The following XRCC2 variants were observed in gnomAD, a reference collection of about 807,000 sequenced individuals.
XRCC2 encodes X-ray repair cross complementing 2, also known as DNA repair protein XRCC2.
Under a neutral mutation model 27.3 loss-of-function variants are expected in XRCC2, and 24 were observed. The observed-to-expected ratio is 0.88, with a 90% CI of 0.64 to 1.24. XRCC2 has a LOEUF of 1.24. Ranked by LOEUF, XRCC2 falls within the 50% of genes most tolerant of loss-of-function variation. The probability of loss-of-function intolerance (pLI) is 0.00; values close to 1 mark genes in which losing one functional copy is unlikely to be tolerated. For synonymous variants in XRCC2, 106 were observed against 115.4 expected (o/e 0.92, Z 0.52); for missense variants, 321 against 325.8 (o/e 0.99, Z 0.11).
chr7:152,676,111 A>G lies in XRCC2; in HGVS notation c.-32T>C, dbSNP rs757381784. 1.9e-6 allele frequency: 3 copies of G among 1,613,374 alleles called. No individual in the cohort carries two copies. Among genetic ancestry groups the G allele is most frequent in the African/African-American group, 1.3e-5 (1 of 74,914 alleles). ...GAAGGCTCGGCGCAGGAGAGACTCAACTTTCCCGCCACCAACGCCATTCAC... is the reference window on the plus strand; with the variant it reads ...GAAGGCTCGGCGCAGGAGAGACTCAGCTTTCCCGCCACCAACGCCATTCAC... On this transcript the variant is annotated 5_prime_UTR_variant, in exon 1 of 3. Transcript: ENST00000359321.
At chr7:152,675,884 G>A (rs1270426505) in intron 1 of XRCC2, among the ~76,000 whole-genome samples, 157 bp downstream of exon 1, 1 of 152,166 alleles carries the variant, frequency 6.6e-6, no homozygotes, top group Non-Finnish European at 1.5e-5. Context: ...AGGTGGCAGA[G>A]GGTGCCAGCA....
rs549929677 is a variant in XRCC2, at chr7:152,646,040, T to C, written c.*2602A>G. On this transcript the variant is annotated 3_prime_UTR_variant, in exon 3 of 3. Coordinates refer to ENST00000359321, the MANE Select transcript of XRCC2 (RefSeq NM_005431.2). ...ATGGAGTTAAATACACCATCTCCTC[T>C]GTGCTTTGGATCTGTCCTGCTGTAT... 2.0e-5 allele frequency: 3 copies of C among 152,362 alleles called. No homozygotes were observed. Among genetic ancestry groups the C allele is most frequent in the African/African-American group, 7.2e-5 (3 of 41,582 alleles). The allele number at this position is 152,362 out of a possible 1,614,324, so 9.4% of individuals were successfully genotyped here. A position where few individuals can be genotyped will look rare whatever the true frequency, so the allele number is the denominator to read the frequency against.
intron 2 of XRCC2, among the ~76,000 whole-genome samples, chr7:152,660,061 CAT>C (rs2098032419): frequency 6.6e-6 from 1 of 152,166 alleles, no homozygotes; most frequent in Non-Finnish European, 1.5e-5. Flanking sequence ...TCACATATTA[CAT>C]GATTCCAATT....
At chr7:152,666,263 G>T (rs2098035603) in intron 1 of XRCC2, among the ~76,000 whole-genome samples, 1 of 152,018 alleles carries the variant, frequency 6.6e-6, no homozygotes, top group African/African-American at 2.4e-5. Flanking sequence ...AGGCTGGAGT[G>T]TGCAGTGATG....
At chr7:152,675,805 C>T (rs963291497) in intron 1 of XRCC2, among the ~76,000 whole-genome samples, 4 of 152,154 alleles carry the variant, frequency 2.6e-5, no homozygotes, top group Admixed American at 6.5e-5. Flanking sequence ...CTTCCTCCAC[C>T]TCCGCCCGGT....
intron 2 of XRCC2, among the ~76,000 whole-genome samples, chr7:152,650,303 TGG>T (rs1158924286): frequency 1.3e-5 from 2 of 152,358 alleles, no homozygotes; most frequent in East Asian, 3.9e-4. Context: ...GAATTATCTC[TGG>T]AAACCATGTC....
intron 1 of XRCC2, among the ~76,000 whole-genome samples, chr7:152,662,635 G>T (rs1450893520): frequency 1.4e-5 from 2 of 142,854 alleles, no homozygotes; most frequent in African/African-American, 5.2e-5. Context: ...TGCAGTGGCG[G>T]GATCTCGGCT....
chr7:152,646,064 AT>A lies in XRCC2; in HGVS notation c.*2577del, dbSNP rs2098025713. ...CTGTGCTTTGGATCTGTCCTGCTGT[AT>A]TCGGTTCTTTTAAATTTAAAAATCA... On this transcript the variant is annotated 3_prime_UTR_variant, in exon 3 of 3. Coordinates refer to ENST00000359321, the MANE Select transcript of XRCC2 (RefSeq NM_005431.2). The A allele has an allele frequency of 6.6e-6, 1 of 152,150 alleles. No individual in the cohort carries two copies. Among genetic ancestry groups the A allele is most frequent in the South Asian group, 2.1e-4 (1 of 4,826 alleles). 9.4% of individuals were successfully genotyped at this position (152,150 alleles called of 1,614,324 possible).
intron 1 of XRCC2, among the ~76,000 whole-genome samples, chr7:152,662,803 G>C (rs2117001763): frequency 6.6e-6 from 1 of 151,344 alleles, no homozygotes; most frequent in Non-Finnish European, 1.5e-5. Context: ...TCGATCTCCT[G>C]ACCTCGTGAT....
At chr7:152,675,541 T>C (rs2098040544) in intron 1 of XRCC2, among the ~76,000 whole-genome samples, 1 of 151,718 alleles carries the variant, frequency 6.6e-6, no homozygotes, top group Non-Finnish European at 1.5e-5. Context: ...TACTAGGGGG[T>C]GGCGAGGGCC....
Position 152,648,445 on chromosome 7 carries a change from G to A in XRCC2, c.*197C>T, listed in dbSNP as rs939504663. ...AAAAAAAAAGAAAACTTTTGGCCACGAGCAGTGGCTCACGCCTGTAATCCC... is the reference window on the plus strand; with the variant it reads ...AAAAAAAAAGAAAACTTTTGGCCACAAGCAGTGGCTCACGCCTGTAATCCC... On this transcript the variant is annotated 3_prime_UTR_variant, in exon 3 of 3. Transcript: ENST00000359321. 2.4e-5 allele frequency: 10 copies of A among 410,216 alleles called. 1 individual carries two copies. Among genetic ancestry groups the A allele is most frequent in the South Asian group, 1.8e-4 (2 of 10,904 alleles). The allele number at this position is 410,216 out of a possible 1,614,324, so 25.4% of individuals were successfully genotyped here. A position where few individuals can be genotyped will look rare whatever the true frequency, so the allele number is the denominator to read the frequency against.
At position 152,645,074 on chromosome 7, in the gene XRCC2, G is replaced by A. The variant is rs774463917; in HGVS notation, c.*3568C>T. ...CTTCAGCCTCCAAGAGTGTGTTTAC[G>A]TAAAATTAAATGAGCGCTGGCAGTG... On this transcript the variant is annotated 3_prime_UTR_variant, in exon 3 of 3. Coordinates refer to ENST00000359321, the MANE Select transcript of XRCC2 (RefSeq NM_005431.2). 5.9e-5 allele frequency: 9 copies of A among 152,024 alleles called. No individual in the cohort carries two copies. The highest frequency in any genetic ancestry group is 1.2e-4 in the Non-Finnish European group (8 of 68,002). The allele number at this position is 152,024 out of a possible 1,614,324, so 9.4% of individuals were successfully genotyped here.
At chr7:152,667,204 T>C (rs970987793) in intron 1 of XRCC2, among the ~76,000 whole-genome samples, 2 of 151,364 alleles carry the variant, frequency 1.3e-5, no homozygotes, top group African/African-American at 4.9e-5. Flanking sequence ...GATTGGGAGT[T>C]CGAGACCAGC....
chr7:152,666,792 A>G (rs945431541), intron 1 of XRCC2, among the ~76,000 whole-genome samples: 25 of 151,094 alleles, frequency 1.7e-4, no homozygotes, highest in African/African-American at 6.1e-4. Flanking sequence ...TAATTTTTGT[A>G]TTTTTAGTAG....
At position 152,663,346 on chromosome 7, in the gene XRCC2, T is replaced by TAAAA. The variant is rs530664762; in HGVS notation, c.40-2568_40-2565dup. On this transcript the variant is annotated intron_variant, in intron 1 of 2. Coordinates refer to ENST00000359321, the MANE Select transcript of XRCC2 (RefSeq NM_005431.2). ...GCTTTACGTAAGAATGTCTTTGAAG[T>TAAAA]AAAAAAAAAAAAAAAAAAAAAAAAA... Among the ~76,000 whole-genome samples the TAAAA allele has an allele frequency of 2.2e-3, 181 of 80,880 alleles. 23 individuals carry two copies. The highest frequency in any genetic ancestry group is 3.7e-3 in the African/African-American group (82 of 22,366). 53.1% of individuals were successfully genotyped at this position (80,880 alleles called of 152,430 possible).
At chr7:152,673,097 C>G (rs1295760426) in intron 1 of XRCC2, among the ~76,000 whole-genome samples, 1 of 152,128 alleles carries the variant, frequency 6.6e-6, no homozygotes, top group Non-Finnish European at 1.5e-5. Context: ...TAGTCAAATG[C>G]TTGTCTTTTT....
chr7:152,660,601 G>A (rs1291791844), intron 2 of XRCC2, 100 bp downstream of exon 2: 2 of 981,952 alleles, frequency 2.0e-6, no homozygotes, highest in East Asian at 2.5e-5. Flanking sequence ...AGTTTAACCT[G>A]TATAAACTCT....
rs2098032654 is a variant in XRCC2 at position 152,660,602 on chromosome 7, T to C, written c.121+99A>G. ...TTTTCCAATTGTACAGTTTAACCTG[T>C]ATAAACTCTTGTGAGGAGTATGTGT... On this transcript the variant is annotated intron_variant, in intron 2 of 2. Transcript: ENST00000359321. 4 of 984,214 alleles carry C rather than the reference T, an allele frequency of 4.1e-6. No individual in the cohort carries two copies. In the South Asian group the frequency reaches 6.7e-5, roughly 17 times the overall value. The allele number at this position is 984,214 out of a possible 1,614,324, so 61.0% of individuals were successfully genotyped here. A position where few individuals can be genotyped will look rare whatever the true frequency, so the allele number is the denominator to read the frequency against.
chr7:152,655,877 T>C (rs2098030506), intron 2 of XRCC2, among the ~76,000 whole-genome samples: 1 of 151,890 alleles, frequency 6.6e-6, no homozygotes, highest in South Asian at 2.1e-4. Flanking sequence ...CTGGGCATGG[T>C]AGCATCTGCC....
Sources: allele counts gnomAD v4.1 joint callset (sites outside exome capture counted in the v4.1 genomes callset), GRCh38; gene constraint gnomAD v4.1.1; transcripts MANE v1.5; gene names NCBI Gene and HGNC (gene_info 2026-07-23, HGNC 2026-07-21).